Variants in CCDC74A observed in about 807,000 individuals in gnomAD.
CCDC74A encodes coiled-coil domain-containing protein 74A.
Under a neutral mutation model 37.6 loss-of-function variants are expected in CCDC74A, and 38 were observed. The observed-to-expected ratio is 1.01, with a 90% confidence interval of 0.78 to 1.33. The LOEUF (loss-of-function observed/expected upper bound fraction) is 1.33, where lower values mean the gene tolerates loss of function less well. Ranked by LOEUF, CCDC74A falls within the 40% of genes most tolerant of loss-of-function variation. The pLI is 0.00. For synonymous variants in CCDC74A, 134 were observed against 165.2 expected, an observed-to-expected ratio of 0.81 and a Z score of 1.45; for missense variants, 340 against 403.4, an observed-to-expected ratio of 0.84 and a Z score of 1.35.
upstream of CCDC74A, among the ~76,000 whole-genome samples, chr2:131,523,217 G>A (rs772745998): frequency 4.1e-4 from 62 of 152,302 alleles, no homozygotes; most frequent in Middle Eastern, 3.4e-3. Flanking sequence ...GGCCTCTTAT[G>A]TAGCCTTCAC....
Position 131,532,797 on chromosome 2 carries a change from G to C in CCDC74A, c.678+16G>C. 2 of 1,613,068 alleles carry C rather than the reference G, an allele frequency of 1.2e-6. No homozygotes were observed. The highest frequency in any genetic ancestry group is 1.7e-6 in the Non-Finnish European group (2 of 1,179,672). ...GACCCAAGAGGTGAGGCCCTGGGTG[G>C]TGGGGGTGGCCCTGGGCAGTCTGGC... On this transcript the variant is annotated intron_variant, in intron 5 of 7. Transcript: ENST00000409856.
upstream of CCDC74A, chr2:131,527,692 G>A (rs1178714283): frequency 2.1e-5 from 9 of 432,462 alleles, no homozygotes; most frequent in Non-Finnish European, 3.6e-5. Flanking sequence ...TTGGGGTTTC[G>A]CCATGTTGGT....
In CCDC74A at chr2:131,533,347, G is replaced by C; in HGVS notation, c.888G>C (p.Gln296His). The C allele has an allele frequency of 6.2e-7, 1 of 1,613,602 alleles. No individual in the cohort carries two copies. Among genetic ancestry groups the C allele is most frequent in the Non-Finnish European group, 8.5e-7 (1 of 1,179,982 alleles). Residue 296 changes from glutamine (Q) to histidine (H), a missense_variant, in exon 8 of 8, where the codon CAG becomes CAC. This residue lies in a region of CCDC74A where 185 missense variants were observed against 231.5 expected (regional missense o/e 0.80). Coordinates refer to ENST00000409856, the MANE Select transcript of CCDC74A (RefSeq NM_001258306.3). ...QTPKNNFAER[Q>H]KRLQAMQKRR... The stretch of plus-strand genomic sequence containing the variant: ...CGAAGAACAACTTTGCCGAGAGGCA[G>C]AAGAGGCTGCAGGCAATGCAGAAAC...
chr2:131,523,744 A>G (rs1421673014), upstream of CCDC74A, among the ~76,000 whole-genome samples: 2 of 152,212 alleles, frequency 1.3e-5, no homozygotes, highest in Admixed American at 6.5e-5. Context: ...GGGAGAATCA[A>G]CTTCCCAGGC....
upstream of CCDC74A, among the ~76,000 whole-genome samples, chr2:131,526,337 G>A (rs1171075050): frequency 6.6e-6 from 1 of 151,630 alleles, no homozygotes; most frequent in African/African-American, 2.4e-5. Flanking sequence ...AGTAGAGATG[G>A]GATATCACCA....
intron 3 of CCDC74A, 154 bp downstream of exon 3, chr2:131,530,981 G>A: frequency 1.4e-6 from 1 of 732,062 alleles, no homozygotes; most frequent in South Asian, 1.8e-5. Flanking sequence ...CCTGCAAGCT[G>A]AAGCCACCGG....
chr2:131,528,116 G>A lies in CCDC74A; in HGVS notation c.146G>A (p.Arg49Gln), dbSNP rs748123848. Residue 49 changes from arginine to glutamine, a missense_variant, in exon 1 of 8, where the codon CGG becomes CAG. By Grantham distance (43) the Arg-to-Gln change is conservative. This residue lies in a region of CCDC74A where 154 missense variants were observed against 153.9 expected (regional missense o/e 1.00). Coordinates refer to ENST00000409856, the MANE Select transcript of CCDC74A (RefSeq NM_001258306.3). The part of the protein sequence containing the change: ...PQLRQSDPQK[R>Q]NLDLEKSLQF... ...CTCAGGCAGAGCGACCCGCAGAAAC[G>A]GAACCTGGACCTGGAGAAAAGCCTG... The A allele has an allele frequency of 3.7e-6, 6 of 1,613,732 alleles. No homozygotes were observed. In the South Asian group the frequency reaches 5.5e-5, roughly 15 times the overall value.
chr2:131,532,581 T>C lies in CCDC74A; in HGVS notation c.486-8T>C. ...GGTCACCTCTGGCTGCTGCAATGAC[T>C]GTTTCAGAAAGGAGAAAGCAGAGGC... On this transcript the variant is annotated splice_polypyrimidine_tract_variant and splice_region_variant and intron_variant, in intron 4 of 7. Transcript: ENST00000409856. 1 of 1,557,464 alleles carries C rather than the reference T, an allele frequency of 6.4e-7. No homozygotes were observed. The highest frequency in any genetic ancestry group is 8.7e-7 in the Non-Finnish European group (1 of 1,153,864).
At chr2:131,530,972 C>T in intron 3 of CCDC74A, 145 bp downstream of exon 3, 3 of 1,360,526 alleles carry the variant, frequency 2.2e-6, no homozygotes, top group South Asian at 3.0e-5. Context: ...GAAAAGAGCC[C>T]TGCAAGCTGA....
At chr2:131,525,158 T>G (rs1254373028), upstream of CCDC74A, among the ~76,000 whole-genome samples, 1 of 152,220 alleles carries the variant, frequency 6.6e-6, no homozygotes, top group Non-Finnish European at 1.5e-5. Flanking sequence ...TTGAGCAAAC[T>G]GTCATCTGTT....
chr2:131,523,784 A>G (rs183379715), upstream of CCDC74A, among the ~76,000 whole-genome samples: 12 of 152,296 alleles, frequency 7.9e-5, no homozygotes, highest in African/African-American at 2.9e-4. Context: ...GTAGTGGAGT[A>G]TGACCTTCCA....
chr2:131,530,819 C>G lies in CCDC74A; in HGVS notation c.338C>G (p.Ser113Cys), dbSNP rs749834588. 16 of 1,606,864 alleles carry G rather than the reference C, an allele frequency of 1.0e-5. No individual in the cohort carries two copies. The highest frequency in any genetic ancestry group is 1.3e-5 in the Non-Finnish European group (15 of 1,177,536). Reference sequence around the variant, plus strand: ...AGCTTCCAGTCTGTCAAGTCCATCTCTAATTCAGGTGAGCAGGCTGGCGTC... The same window carrying G: ...AGCTTCCAGTCTGTCAAGTCCATCTGTAATTCAGGTGAGCAGGCTGGCGTC... ...MSSFQSVKSI[S>C]NSGKARPQPG... Residue 113 changes from serine to cysteine, a missense_variant, in exon 3 of 8, where the codon TCT (serine) becomes TGT (cysteine). Ser to Cys is a moderately radical substitution (Grantham distance 112). This residue lies in a region of CCDC74A where 154 missense variants were observed against 153.9 expected (regional missense o/e 1.00). Coordinates refer to ENST00000409856, the MANE Select transcript of CCDC74A (RefSeq NM_001258306.3).
In CCDC74A at chr2:131,528,681, G is replaced by A. The variant is rs557293644; in HGVS notation, c.250+461G>A. 1.6e-5 allele frequency: 7 copies of A among 439,210 alleles called. No individual in the cohort carries two copies. In the East Asian group the frequency reaches 3.0e-4, roughly 19 times the overall value. 27.2% of individuals were successfully genotyped at this position (439,210 alleles called of 1,614,324 possible). A position where few individuals can be genotyped will look rare whatever the true frequency, so the allele number is the denominator to read the frequency against. On this transcript the variant is annotated intron_variant, in intron 1 of 7. Coordinates refer to ENST00000409856, the MANE Select transcript of CCDC74A (RefSeq NM_001258306.3). ...AAACAATTAGCTAGGCGTGGTGGTG[G>A]GCGTCTGTAGTCCCAGCTACTCGGG...
intron 7 of CCDC74A, 85 bp from the exon 8 acceptor site, chr2:131,533,184 C>G (rs1187193648): frequency 1.2e-6 from 2 of 1,606,796 alleles, no homozygotes; most frequent in South Asian, 2.2e-5. Flanking sequence ...CCTCTCTGTG[C>G]CCCCGTGAGG....
In CCDC74A at chr2:131,527,896, G is replaced by A. The variant is rs1441868090; in HGVS notation, c.-75G>A. ...TCCGTCGCCCGGTTTCCATGGTGAC[G>A]GGGCGCCAGGCTAGGGCGGCCTGGC... On this transcript the variant is annotated 5_prime_UTR_variant, in exon 1 of 8. Transcript: ENST00000409856. The A allele has an allele frequency of 2.1e-6, 3 of 1,403,984 alleles. No individual in the cohort carries two copies. Among genetic ancestry groups the A allele is most frequent in the Admixed American group, 3.5e-5 (1 of 28,866 alleles). The allele number at this position is 1,403,984 out of a possible 1,614,324, so 87.0% of individuals were successfully genotyped here.
chr2:131,527,873 C>G, upstream of CCDC74A: 1 of 1,407,126 alleles, frequency 7.1e-7, no homozygotes, highest in Admixed American at 3.4e-5. Context: ...TCGCGCCTTC[C>G]GTCGCCCGGT....
upstream of CCDC74A, among the ~76,000 whole-genome samples, chr2:131,527,475 C>A (rs147885029): frequency 6.6e-6 from 1 of 152,162 alleles, no homozygotes; most frequent in East Asian, 1.9e-4. Flanking sequence ...ACTTTCCATT[C>A]AGGCTGGAAA....
At position 131,533,555 on chromosome 2, in the gene CCDC74A, A is replaced by G; in HGVS notation, c.*157A>G. The G allele has an allele frequency of 9.6e-7, 1 of 1,041,164 alleles. No individual in the cohort carries two copies. Among genetic ancestry groups the G allele is most frequent in the South Asian group, 1.8e-5 (1 of 57,118 alleles). 64.5% of individuals were successfully genotyped at this position (1,041,164 alleles called of 1,614,324 possible). A position where few individuals can be genotyped will look rare whatever the true frequency, so the allele number is the denominator to read the frequency against. ...AAGTACTTGATCTCCAAACTGACAA[A>G]CTGTTTATTTTCTAGCTGTTATTTT... On this transcript the variant is annotated 3_prime_UTR_variant, in exon 8 of 8. Coordinates refer to ENST00000409856, the MANE Select transcript of CCDC74A (RefSeq NM_001258306.3).
chr2:131,532,147 C>T (rs1439788701), intron 4 of CCDC74A, among the ~76,000 whole-genome samples: 30 of 149,006 alleles, frequency 2.0e-4, no homozygotes, highest in African/African-American at 6.8e-4. Flanking sequence ...CACAGCCTGC[C>T]TTTGGAGGGC....
Sources: gnomAD v4.1 joint callset for allele counts (sites outside exome capture counted in the v4.1 genomes callset) on GRCh38, gnomAD v4.1.1 for gene constraint, gnomAD v4.1.1 regional missense constraint, MANE v1.5 for transcripts, NCBI Gene and HGNC (gene_info 2026-07-23, HGNC 2026-07-21) for gene names.